ABCG2: variants seen among roughly 807,000 people sequenced by gnomAD.
The protein encoded by ABCG2 is ATP binding cassette subfamily G member 2 (JR blood group).
A neutral mutation model predicts 73.5 loss-of-function variants in ABCG2; 80 were observed. The ratio of observed to expected loss-of-function variants is 1.09; its 90% CI spans 0.91 to 1.31. The LOEUF (loss-of-function observed/expected upper bound fraction) is 1.31, where lower values mean the gene tolerates loss of function less well. Ranked by LOEUF, ABCG2 falls within the 50% of genes most tolerant of loss-of-function variation. The pLI is 0.00. For synonymous variants in ABCG2, 269 were observed against 282.4 expected, an observed-to-expected ratio of 0.95 and a Z score of 0.48; for missense variants, 796 against 786.2, an observed-to-expected ratio of 1.01 and a Z score of -0.15.
chr4:88,104,109 T>C (rs952362540), intron 10 of ABCG2, among the ~76,000 whole-genome samples: 1 of 152,204 alleles, frequency 6.6e-6, no homozygotes, highest in Non-Finnish European at 1.5e-5. Flanking sequence ...AGTATACCTT[T>C]TCCCTTAATA....
intron 9 of ABCG2, 60 bp from the exon 10 acceptor site, chr4:88,107,326 T>A (rs2231148): frequency 0.35 from 410,360 of 1,171,896 alleles, 76,191 homozygotes; most frequent in Non-Finnish European, 0.38. Flanking sequence ...TAAAAACTTA[T>A]ACACACCATT....
At chr4:88,218,678 A>T (rs1312891434) in intron 1 of ABCG2, among the ~76,000 whole-genome samples, 1 of 152,194 alleles carries the variant, frequency 6.6e-6, no homozygotes, top group African/African-American at 2.4e-5. Context: ...TATGAGTGAG[A>T]ACGTACGCAC....
At chr4:88,172,236 G>A (rs1317657794) in intron 1 of ABCG2, among the ~76,000 whole-genome samples, 1 of 149,224 alleles carries the variant, frequency 6.7e-6, no homozygotes, top group African/African-American at 2.5e-5. Flanking sequence ...AGAGGTTGCA[G>A]TGAGCCAAGA....
chr4:88,098,972 C>T (rs1187026641), intron 12 of ABCG2, among the ~76,000 whole-genome samples: 4 of 151,900 alleles, frequency 2.6e-5, no homozygotes, highest in Non-Finnish European at 4.4e-5. Flanking sequence ...TTCTGTGTGC[C>T]GGTAGTCCTA....
At chr4:88,115,256 C>CTCTCTCTCTCTCTCTA (rs1309360818) in intron 7 of ABCG2, among the ~76,000 whole-genome samples, 198 bp from the exon 8 acceptor site, 13 of 69,868 alleles carry the variant, frequency 1.9e-4, no homozygotes, top group South Asian at 6.7e-4. Flanking sequence ...CTCTCTCTCT[C>CTCTCTCTCTCTCTCTA]TATATATATA....
chr4:88,126,851 C>T (rs1367488437), intron 5 of ABCG2, among the ~76,000 whole-genome samples: 1 of 152,166 alleles, frequency 6.6e-6, no homozygotes, highest in Non-Finnish European at 1.5e-5. Flanking sequence ...GAAGCATTCC[C>T]TTTGAAAACC....
chr4:88,162,767 G>C (rs949608354), upstream of ABCG2, among the ~76,000 whole-genome samples: 1 of 152,188 alleles, frequency 6.6e-6, no homozygotes, highest in Non-Finnish European at 1.5e-5. Context: ...TCATTTTACA[G>C]ATAAGTCACC....
At chr4:88,110,381 A>G (rs1723055259) in intron 9 of ABCG2, among the ~76,000 whole-genome samples, 1 of 152,010 alleles carries the variant, frequency 6.6e-6, no homozygotes, top group Admixed American at 6.6e-5. Context: ...TGTCTATACT[A>G]AAAATACAAA....
intron 1 of ABCG2, among the ~76,000 whole-genome samples, chr4:88,175,181 C>T (rs1344382547): frequency 1.3e-5 from 2 of 152,162 alleles, no homozygotes; most frequent in Admixed American, 6.5e-5. Flanking sequence ...TACATGATTG[C>T]GTCTTAATAG....
At chr4:88,225,203 G>T (rs1241275159) in intron 1 of ABCG2, among the ~76,000 whole-genome samples, 1 of 152,154 alleles carries the variant, frequency 6.6e-6, no homozygotes, top group Non-Finnish European at 1.5e-5. Context: ...GGCTTCACAG[G>T]CTGTATTGTA....
chr4:88,201,724 A>G (rs762493589), intron 1 of ABCG2: 3 of 152,246 alleles, frequency 2.0e-5, no homozygotes, highest in Non-Finnish European at 4.4e-5. Context: ...GAGAGCACAT[A>G]TACTAAAATT....
chr4:88,175,181 C>A (rs1344382547), intron 1 of ABCG2, among the ~76,000 whole-genome samples: 4 of 152,162 alleles, frequency 2.6e-5, no homozygotes, highest in African/African-American at 9.7e-5. Context: ...TACATGATTG[C>A]GTCTTAATAG....
chr4:88,126,608 C>T (rs1041562696), intron 5 of ABCG2, among the ~76,000 whole-genome samples: 2 of 152,118 alleles, frequency 1.3e-5, no homozygotes, highest in African/African-American at 4.8e-5. Flanking sequence ...CCCTGGGATG[C>T]AAGGCTGCTT....
intron 1 of ABCG2, among the ~76,000 whole-genome samples, chr4:88,157,861 T>A (rs974476563): frequency 1.3e-5 from 2 of 152,178 alleles, no homozygotes. Flanking sequence ...TCTCTAGGAC[T>A]GAGAAGGGAG....
intron 1 of ABCG2, among the ~76,000 whole-genome samples, chr4:88,199,562 A>G (rs1461819736): frequency 6.6e-6 from 1 of 152,216 alleles, no homozygotes; most frequent in East Asian, 1.9e-4. Flanking sequence ...ATGTTGGTAG[A>G]AAAATACCAC....
At chr4:88,163,229 A>T (rs2622606), upstream of ABCG2, among the ~76,000 whole-genome samples, 121,530 of 152,230 alleles carry the variant, frequency 0.8, 48,734 homozygotes, top group African/African-American at 0.87. Flanking sequence ...TTTGACTAAT[A>T]TGGCAAGAGA....
At chr4:88,103,736 C>T (rs1722598209) in intron 10 of ABCG2, among the ~76,000 whole-genome samples, 1 of 152,200 alleles carries the variant, frequency 6.6e-6, no homozygotes. Flanking sequence ...CCACACACCT[C>T]TAGCCTCTGG....
intron 1 of ABCG2, among the ~76,000 whole-genome samples, chr4:88,230,130 T>A (rs1032656793): frequency 6.7e-6 from 1 of 149,562 alleles, no homozygotes; most frequent in Admixed American, 6.7e-5. Context: ...GTAGCTGGGA[T>A]TACAGGCGTG....
At chr4:88,118,287 G>A (rs2110016495) in intron 6 of ABCG2, 27 bp from the exon 7 acceptor site, 1 of 1,607,910 alleles carries the variant, frequency 6.2e-7, no homozygotes, top group African/African-American at 1.3e-5. Flanking sequence ...ACAATACTAA[G>A]TCATTAAATA....
Sources: allele counts gnomAD v4.1 joint callset (sites outside exome capture counted in the v4.1 genomes callset), GRCh38; gene constraint gnomAD v4.1.1; transcripts MANE v1.5; gene names NCBI Gene and HGNC (gene_info 2026-07-23, HGNC 2026-07-21).